Variants in CRK observed in about 807,000 individuals in gnomAD.
CRK encodes the protein adapter molecule crk.
A neutral mutation model predicts 29.8 loss-of-function variants in CRK; 4 were observed. The ratio of observed to expected loss-of-function variants is 0.13; its 90% confidence interval spans 0.07 to 0.31. The LOEUF is 0.31. CRK is among the 10% of genes least tolerant of loss of function. The pLI is 1.00. For missense variants in CRK, 274 were observed against 396.5 expected (o/e 0.69, Z 2.62); for synonymous variants, 153 against 164.9 (o/e 0.93, Z 0.55).
chr17:1,434,614 C>A (rs1217904957), intron 2 of CRK, among the ~76,000 whole-genome samples: 2 of 152,010 alleles, frequency 1.3e-5, no homozygotes, highest in Admixed American at 1.3e-4. Context: ...GAAACCCTGT[C>A]TCTACTAAAA....
intron 1 of CRK, among the ~76,000 whole-genome samples, chr17:1,450,422 A>G (rs989380150): frequency 1.3e-5 from 2 of 151,778 alleles, no homozygotes; most frequent in Non-Finnish European, 2.9e-5. Flanking sequence ...GAGGAGAATG[A>G]CGTGAACCCG....
rs2150896741 is a variant in CRK, at chr17:1,423,132, C to T, written c.*381G>A. On this transcript the variant is annotated 3_prime_UTR_variant, in exon 3 of 3. Coordinates refer to ENST00000300574, the MANE Select transcript of CRK (RefSeq NM_016823.4). ...TCTGTCGCCATTTGATAGTATGGTT[C>T]CAGAATGAAAACAAAACCACTGAAT... The T allele has an allele frequency of 7.0e-6, 3 of 431,354 alleles. No homozygotes were observed. Among genetic ancestry groups the T allele is most frequent in the East Asian group, 3.4e-5 (1 of 29,032 alleles). 26.7% of individuals were successfully genotyped at this position (431,354 alleles called of 1,614,324 possible).
chr17:1,450,458 G>A (rs530315761), intron 1 of CRK, among the ~76,000 whole-genome samples: 28 of 152,154 alleles, frequency 1.8e-4, no homozygotes, highest in Admixed American at 4.6e-4. Context: ...AGTGAGCCGA[G>A]ATCGCGCCAC....
At chr17:1,454,106 G>A (rs2074038469) in intron 1 of CRK, among the ~76,000 whole-genome samples, 1 of 151,896 alleles carries the variant, frequency 6.6e-6, no homozygotes, top group Admixed American at 6.6e-5. Flanking sequence ...TCAGGAGGCT[G>A]AGGCAGAATC....
At chr17:1,434,336 C>T (rs766463114) in intron 2 of CRK, among the ~76,000 whole-genome samples, 1 of 152,140 alleles carries the variant, frequency 6.6e-6, no homozygotes, top group Non-Finnish European at 1.5e-5. Flanking sequence ...GAAAAAACAT[C>T]CCACAGAATC....
At position 1,422,056 on chromosome 17, in the gene CRK, G is replaced by C. The variant is rs889215337; in HGVS notation, c.*1457C>G. 2 of 151,898 alleles carry C rather than the reference G, an allele frequency of 1.3e-5. No individual in the cohort carries two copies. Among genetic ancestry groups the C allele is most frequent in the South Asian group, 4.2e-4 (2 of 4,808 alleles). The allele number at this position is 151,898 out of a possible 1,614,324, so 9.4% of individuals were successfully genotyped here. On this transcript the variant is annotated 3_prime_UTR_variant, in exon 3 of 3. Coordinates refer to ENST00000300574, the MANE Select transcript of CRK (RefSeq NM_016823.4). ...TGAACATAAACAAAGAGCCAAAAATGAAGGCAGTTTACAATGTAATGTTCT... is the reference window on the plus strand; with the variant it reads ...TGAACATAAACAAAGAGCCAAAAATCAAGGCAGTTTACAATGTAATGTTCT...
chr17:1,456,215 C>T lies in CRK; in HGVS notation c.-98G>A, dbSNP rs2074056556. 3.8e-6 allele frequency: 5 copies of T among 1,309,018 alleles called. No homozygotes were observed. Among genetic ancestry groups the T allele is most frequent in the Non-Finnish European group, 4.9e-6 (5 of 1,030,294 alleles). The allele number at this position is 1,309,018 out of a possible 1,614,324, so 81.1% of individuals were successfully genotyped here. On this transcript the variant is annotated 5_prime_UTR_variant, in exon 1 of 3. Transcript: ENST00000300574. ...AGCGGACCGGCTCCGGTTTCAGCTT[C>T]ACAGCAGCGCCCGAAATGGCGGCGG...
chr17:1,438,133 GT>G (rs1391955863), intron 1 of CRK, among the ~76,000 whole-genome samples: 1 of 151,762 alleles, frequency 6.6e-6, no homozygotes, highest in Non-Finnish European at 1.5e-5. Flanking sequence ...TCTTGTTGTG[GT>G]TTTCGTTGTT....
chr17:1,428,477 G>C (rs1215302585), intron 2 of CRK, among the ~76,000 whole-genome samples: 1 of 151,112 alleles, frequency 6.6e-6, no homozygotes, highest in Non-Finnish European at 1.5e-5. Flanking sequence ...ATGTTATTGG[G>C]GAAAGGAACT....
At chr17:1,453,519 A>G (rs2074034241) in intron 1 of CRK, among the ~76,000 whole-genome samples, 1 of 152,198 alleles carries the variant, frequency 6.6e-6, no homozygotes, top group Admixed American at 6.5e-5. Context: ...CAGGTACATC[A>G]ATATTCCCAT....
chr17:1,424,768 G>A (rs936268567), intron 2 of CRK: 5 of 152,206 alleles, frequency 3.3e-5, no homozygotes, highest in African/African-American at 4.8e-5. Flanking sequence ...CCAGCACTTG[G>A]TGAGCCTGAC....
Position 1,450,209 on chromosome 17 carries a change from CATAA to C in CRK, c.241+5664_241+5667del, listed in dbSNP as rs954658965. Among the ~76,000 whole-genome samples the C allele has an allele frequency of 5.9e-5, 9 of 152,062 alleles. No homozygotes were observed. In the East Asian group the frequency reaches 7.7e-4, roughly 13 times the overall value. ...AACAGAGCAAGACTCTGTCTCAAAA[CATAA>C]ATAAAGTTTAAAAAATAAGGCGCGG... On this transcript the variant is annotated intron_variant, in intron 1 of 2. Transcript: ENST00000300574.
chr17:1,454,223 T>G (rs904024972), intron 1 of CRK, among the ~76,000 whole-genome samples: 1 of 150,892 alleles, frequency 6.6e-6, no homozygotes, highest in East Asian at 2.0e-4. Flanking sequence ...AAGTAAGAAA[T>G]AAATAAGAAA....
intron 1 of CRK, among the ~76,000 whole-genome samples, chr17:1,455,365 G>A (rs2074047867): frequency 6.6e-6 from 1 of 152,164 alleles, no homozygotes; most frequent in Non-Finnish European, 1.5e-5. Flanking sequence ...CCGGTTTCCT[G>A]AGGGTGTCTC....
In CRK at chr17:1,455,941, G is replaced by A. The variant is rs1486145061; in HGVS notation, c.177C>T (p.His59=). 1.2e-6 allele frequency: 2 copies of A among 1,601,844 alleles called. No homozygotes were observed. Among genetic ancestry groups the A allele is most frequent in the South Asian group, 2.2e-5 (2 of 89,652 alleles). ...LSVSENSRVS[H]YIINSSGPRP... ...GCGGGCCGCTGCTGTTGATGATGTA[G>A]TGGGAGACGCGCGAGTTCTCTGAGA... Residue 59 remains histidine (H), a synonymous_variant, in exon 1 of 3, where the codon CAC becomes CAT. Coordinates refer to ENST00000300574, the MANE Select transcript of CRK (RefSeq NM_016823.4).
At chr17:1,449,703 C>T (rs1336143448) in intron 1 of CRK, among the ~76,000 whole-genome samples, 1 of 152,142 alleles carries the variant, frequency 6.6e-6, no homozygotes, top group Non-Finnish European at 1.5e-5. Flanking sequence ...TTCTTGCAAG[C>T]ATTCCAAGGA....
At chr17:1,428,352 C>T (rs1021763234) in intron 2 of CRK, among the ~76,000 whole-genome samples, 1 of 151,228 alleles carries the variant, frequency 6.6e-6, no homozygotes, top group Non-Finnish European at 1.5e-5. Context: ...CTCCTGACTT[C>T]ATGATCTGCC....
intron 1 of CRK, among the ~76,000 whole-genome samples, chr17:1,438,458 T>TG (rs1437693324): frequency 6.6e-6 from 1 of 152,064 alleles, no homozygotes; most frequent in East Asian, 1.9e-4. Context: ...CTAAGATAGG[T>TG]GATCTCAATT....
At chr17:1,454,674 C>G (rs1190261643) in intron 1 of CRK, among the ~76,000 whole-genome samples, 3 of 152,152 alleles carry the variant, frequency 2.0e-5, no homozygotes, top group Non-Finnish European at 2.9e-5. Flanking sequence ...TGAGACTAGT[C>G]TGAACCCATT....
Sources: allele counts gnomAD v4.1 joint callset (sites outside exome capture counted in the v4.1 genomes callset), GRCh38; gene constraint gnomAD v4.1.1; transcripts MANE v1.5; gene names NCBI Gene and HGNC (gene_info 2026-07-23, HGNC 2026-07-21).